Variants in AGMO observed in about 807,000 individuals in gnomAD.
AGMO encodes the protein alkylglycerol monooxygenase.
Under a neutral mutation model 60.2 loss-of-function variants are expected in AGMO, and 75 were observed. The ratio of observed to expected loss-of-function variants is 1.25; its 90% CI spans 1.03 to 1.51. The LOEUF is 1.51. Among genes scored for constraint, AGMO ranks in the 40% most tolerant of loss-of-function variants. The pLI, the probability that AGMO is intolerant of heterozygous loss-of-function variation, is 0.00. For synonymous variants in AGMO, 261 were observed against 177.1 expected, an observed-to-expected ratio of 1.47 and a Z score of -3.76; for missense variants, 763 against 525.5, an observed-to-expected ratio of 1.45 and a Z score of -4.42.
At chr7:15,258,256 T>C (rs1399072385) in intron 12 of AGMO, among the ~76,000 whole-genome samples, 1 of 152,188 alleles carries the variant, frequency 6.6e-6, no homozygotes, top group Non-Finnish European at 1.5e-5. Context: ...ATAGTTTATG[T>C]GGGACCAAAG....
At chr7:15,469,268 G>A (rs375766263) in intron 3 of AGMO, among the ~76,000 whole-genome samples, 9 of 151,768 alleles carry the variant, frequency 5.9e-5, no homozygotes, top group Admixed American at 1.3e-4. Context: ...AACATGGACC[G>A]TCTCATAAAA....
At chr7:15,334,277 A>G (rs960066087) in intron 12 of AGMO, among the ~76,000 whole-genome samples, 10 of 149,640 alleles carry the variant, frequency 6.7e-5, no homozygotes, top group Non-Finnish European at 1.2e-4. Flanking sequence ...ACAACATAAA[A>G]TTATCAAAAA....
intron 3 of AGMO, among the ~76,000 whole-genome samples, chr7:15,443,613 T>C (rs1781622958): frequency 1.3e-5 from 2 of 152,142 alleles, no homozygotes; most frequent in African/African-American, 4.8e-5. Context: ...GTGAGCCATA[T>C]CTGTATATGA....
At chr7:15,208,959 A>C (rs1161049737) in intron 12 of AGMO, among the ~76,000 whole-genome samples, 1 of 152,232 alleles carries the variant, frequency 6.6e-6, no homozygotes, top group Admixed American at 6.5e-5. Flanking sequence ...ACACTTTTCT[A>C]ATACCTTTTA....
At chr7:15,554,181 G>A (rs780176606) in intron 2 of AGMO, among the ~76,000 whole-genome samples, 1 of 151,894 alleles carries the variant, frequency 6.6e-6, no homozygotes, top group Non-Finnish European at 1.5e-5. Flanking sequence ...ATAAACCAAA[G>A]TTCCTTCCTC....
chr7:15,422,918 G>A (rs1780964591), intron 4 of AGMO, among the ~76,000 whole-genome samples: 2 of 152,116 alleles, frequency 1.3e-5, no homozygotes, highest in South Asian at 2.1e-4. Flanking sequence ...ATGGAAACTA[G>A]GCTTCTTAGT....
At chr7:15,317,929 A>ATG (rs1554412195) in intron 12 of AGMO, among the ~76,000 whole-genome samples, 1 of 135,296 alleles carries the variant, frequency 7.4e-6, no homozygotes, top group Admixed American at 7.7e-5. Flanking sequence ...ACACACACGT[A>ATG]TATATATATA....
intron 3 of AGMO, among the ~76,000 whole-genome samples, chr7:15,432,330 A>ATG (rs1328391624): frequency 7.5e-6 from 1 of 133,408 alleles, no homozygotes. Context: ...GTATATATGT[A>ATG]TATATATATA....
At chr7:15,131,686 A>G in the AGMO span, among the ~76,000 whole-genome samples, 1 of 151,944 alleles carries the variant, frequency 6.6e-6, no homozygotes, top group Non-Finnish European at 1.5e-5. Context: ...AAATGTAGGG[A>G]TAAGATGTAG....
intron 3 of AGMO, among the ~76,000 whole-genome samples, chr7:15,505,183 G>A (rs1271165746): frequency 6.6e-6 from 1 of 151,820 alleles, no homozygotes; most frequent in Non-Finnish European, 1.5e-5. Flanking sequence ...ACGAATAGAT[G>A]GAATTACTAC....
intron 3 of AGMO, among the ~76,000 whole-genome samples, chr7:15,461,909 C>A (rs1367058820): frequency 1.3e-5 from 2 of 152,006 alleles, no homozygotes; most frequent in African/African-American, 2.4e-5. Flanking sequence ...AAAAGTATTA[C>A]AAACATTAAA....
At chr7:15,295,259 C>A (rs902209427) in intron 12 of AGMO, among the ~76,000 whole-genome samples, 1 of 151,684 alleles carries the variant, frequency 6.6e-6, no homozygotes, top group Admixed American at 6.6e-5. Context: ...AATTAATGGA[C>A]CAAAAAAGCC....
chr7:15,543,666 T>G (rs1784690965), intron 3 of AGMO, among the ~76,000 whole-genome samples: 1 of 152,088 alleles, frequency 6.6e-6, no homozygotes, highest in Admixed American at 6.5e-5. Flanking sequence ...GTTTTTAGAC[T>G]CTATCAAGCA....
At chr7:15,310,449 G>A (rs549246529) in intron 12 of AGMO, among the ~76,000 whole-genome samples, 56 of 151,954 alleles carry the variant, frequency 3.7e-4, no homozygotes, top group African/African-American at 1.3e-3. Flanking sequence ...AATCAATCTG[G>A]ATTTAAGGTA....
intron 2 of AGMO, among the ~76,000 whole-genome samples, chr7:15,547,309 G>C (rs1784808225): frequency 6.6e-6 from 1 of 152,052 alleles, no homozygotes; most frequent in Admixed American, 6.6e-5. Flanking sequence ...GATTAAAACA[G>C]GGAGCCAAGA....
intron 2 of AGMO, among the ~76,000 whole-genome samples, chr7:15,552,133 C>T (rs1044165351): frequency 2.6e-5 from 4 of 152,112 alleles, no homozygotes; most frequent in Non-Finnish European, 5.9e-5. Context: ...AAAGCTGAAA[C>T]TGGATCCCTT....
chr7:15,307,361 T>C (rs1382986919), intron 12 of AGMO, among the ~76,000 whole-genome samples: 1 of 152,068 alleles, frequency 6.6e-6, no homozygotes, highest in Non-Finnish European at 1.5e-5. Context: ...TTACCATTAC[T>C]TATAAATATA....
intron 10 of AGMO, among the ~76,000 whole-genome samples, chr7:15,381,038 T>G (rs141967760): frequency 1.4e-3 from 209 of 152,228 alleles, no homozygotes; most frequent in African/African-American, 4.6e-3. Flanking sequence ...TCAGCATAGA[T>G]TAAAGACTTA....
chr7:15,409,487 G>A (rs1244729023), intron 5 of AGMO, among the ~76,000 whole-genome samples: 8 of 151,848 alleles, frequency 5.3e-5, no homozygotes, highest in Non-Finnish European at 1.2e-4. Context: ...GCCTTAAAAG[G>A]AATGGGGTTT....
Sources: allele counts gnomAD v4.1 joint callset (sites outside exome capture counted in the v4.1 genomes callset), GRCh38; gene constraint gnomAD v4.1.1; transcripts MANE v1.5; gene names NCBI Gene and HGNC (gene_info 2026-07-23, HGNC 2026-07-21).